Variants in AGBL1 observed in about 807,000 individuals in gnomAD.
AGBL1 encodes the protein cytosolic carboxypeptidase 4.
AGBL1 carries 130 observed loss-of-function variants against 118.9 expected under a neutral mutation model. The observed-to-expected ratio is 1.09, with a 90% confidence interval of 0.95 to 1.26. The LOEUF is 1.26. Ranked by LOEUF, AGBL1 falls within the 50% of genes most tolerant of loss-of-function variation. The pLI is 0.00. For synonymous variants in AGBL1, 555 were observed against 478.9 expected (o/e 1.16, Z -2.08); for missense variants, 1,584 against 1,298.1 (o/e 1.22, Z -3.38).
rs201514401 is a variant in AGBL1 at position 86,110,079 on chromosome 15, G to A, written c.51+30056G>A. On this transcript the variant is annotated intron_variant, in intron 1 of 22. Coordinates refer to ENST00000614907, the MANE Select transcript of AGBL1 (RefSeq NM_001386094.1). The stretch of plus-strand genomic sequence containing the variant: ...TATGTAAACACATGACTGGGACCCC[G>A]TCAGGTATTGAAAGAATCCCATGCA... Among the ~76,000 whole-genome samples, 14 of 152,212 alleles carry A rather than the reference G, an allele frequency of 9.2e-5. No homozygotes were observed. In the East Asian group the frequency reaches 1.2e-3, roughly 13 times the overall value.
downstream of AGBL1, among the ~76,000 whole-genome samples, chr15:86,918,961 G>A (rs577299944): frequency 3.4e-4 from 52 of 152,244 alleles, 1 homozygote; most frequent in African/African-American, 1.0e-3. Context: ...ATGTCCGTGC[G>A]TGTTCTGAAC....
intron 22 of AGBL1, among the ~76,000 whole-genome samples, chr15:86,860,991 C>T (rs560669498): frequency 6.6e-6 from 1 of 152,190 alleles, no homozygotes; most frequent in Admixed American, 6.5e-5. Flanking sequence ...CAGTCTTGCA[C>T]CTGCCCTAGA....
chr15:86,112,592 C>T (rs562495010), intron 1 of AGBL1, among the ~76,000 whole-genome samples: 1 of 152,262 alleles, frequency 6.6e-6, no homozygotes, highest in Non-Finnish European at 1.5e-5. Context: ...TGTCTCCATC[C>T]CTTGGGAATA....
chr15:86,617,573 A>G (rs1182373869), intron 21 of AGBL1, among the ~76,000 whole-genome samples: 1 of 152,256 alleles, frequency 6.6e-6, no homozygotes, highest in East Asian at 1.9e-4. Context: ...TTTTCGTTCA[A>G]TTGGTAAGAA....
At chr15:86,452,587 C>T (rs2082208414) in intron 18 of AGBL1, among the ~76,000 whole-genome samples, 1 of 152,190 alleles carries the variant, frequency 6.6e-6, no homozygotes, top group Non-Finnish European at 1.5e-5. Flanking sequence ...ATCCTATTTA[C>T]ACCCTGTCAC....
chr15:86,960,604 C>T (rs529317246), intron 23 of AGBL1, among the ~76,000 whole-genome samples: 22 of 152,072 alleles, frequency 1.4e-4, no homozygotes, highest in Admixed American at 2.6e-4. Flanking sequence ...ATCCAGAAAT[C>T]CTAATACTGG....
intron 19 of AGBL1, among the ~76,000 whole-genome samples, chr15:86,535,920 T>G (rs1385983606): frequency 6.6e-6 from 1 of 152,234 alleles, no homozygotes; most frequent in African/African-American, 2.4e-5. Flanking sequence ...TTGCTTATTT[T>G]CATAACTCGT....
At chr15:86,716,461 G>A (rs570239147) in intron 22 of AGBL1, among the ~76,000 whole-genome samples, 1 of 152,278 alleles carries the variant, frequency 6.6e-6, no homozygotes, top group South Asian at 2.1e-4. Flanking sequence ...AGTTTGATCT[G>A]TAGCTGAGCT....
intron 17 of AGBL1, among the ~76,000 whole-genome samples, chr15:86,395,497 T>C (rs994401092): frequency 6.6e-6 from 1 of 152,110 alleles, no homozygotes; most frequent in Non-Finnish European, 1.5e-5. Flanking sequence ...TCTTTCATAT[T>C]TGTCACTACT....
intron 17 of AGBL1, among the ~76,000 whole-genome samples, chr15:86,303,583 C>G (rs2079789478): frequency 6.6e-6 from 1 of 151,948 alleles, no homozygotes; most frequent in Non-Finnish European, 1.5e-5. Flanking sequence ...TATTTAAGAA[C>G]TAAGGCTAAA....
chr15:87,018,903 T>C (rs2081634179), intron 24 of AGBL1, among the ~76,000 whole-genome samples: 1 of 151,938 alleles, frequency 6.6e-6, no homozygotes, highest in Non-Finnish European at 1.5e-5. Context: ...AAGAAACACA[T>C]AGTCTCAAAA....
intron 21 of AGBL1, among the ~76,000 whole-genome samples, chr15:86,592,698 C>G (rs1023043422): frequency 6.6e-6 from 1 of 152,232 alleles, no homozygotes; most frequent in African/African-American, 2.4e-5. Context: ...AGTAGACATG[C>G]TTGAGCCCAC....
intron 17 of AGBL1, among the ~76,000 whole-genome samples, chr15:86,298,489 G>A (rs972369256): frequency 6.6e-6 from 1 of 151,210 alleles, no homozygotes; most frequent in African/African-American, 2.4e-5. Context: ...AAATAACCAT[G>A]CCTGTAAATC....
chr15:86,167,524 G>A (rs1044847183), intron 5 of AGBL1, among the ~76,000 whole-genome samples: 73 of 152,188 alleles, frequency 4.8e-4, no homozygotes, highest in African/African-American at 1.7e-3. Flanking sequence ...GGGATTATAG[G>A]CGTGAACCGC....
In AGBL1 at chr15:86,572,216, G is replaced by A. The variant is rs542827979; in HGVS notation, c.2994+17679G>A. Among the ~76,000 whole-genome samples, 390 of 151,636 alleles carry A rather than the reference G, an allele frequency of 2.6e-3. 3 individuals carry two copies. The highest frequency in any genetic ancestry group is 8.3e-3 in the African/African-American group (342 of 41,406). On this transcript the variant is annotated intron_variant, in intron 21 of 22. Transcript: ENST00000614907. ...GCCGGCTCCCTTCCTGGGCCCCCAA[G>A]AACAGAGATGCCCGGGTCCTGAGCC...
chr15:86,961,431 G>A (rs981398974), intron 23 of AGBL1, among the ~76,000 whole-genome samples: 1 of 151,884 alleles, frequency 6.6e-6, no homozygotes, highest in African/African-American at 2.4e-5. Context: ...AACTTCTACC[G>A]ACTTCAGTGG....
At chr15:86,742,266 G>C (rs555449344) in intron 22 of AGBL1, among the ~76,000 whole-genome samples, 1 of 152,248 alleles carries the variant, frequency 6.6e-6, no homozygotes, top group South Asian at 2.1e-4. Context: ...AATGGAATCA[G>C]ACGGCATGGC....
intron 10 of AGBL1, among the ~76,000 whole-genome samples, chr15:86,263,577 C>T (rs1380617901): frequency 6.6e-6 from 1 of 152,184 alleles, no homozygotes; most frequent in Non-Finnish European, 1.5e-5. Flanking sequence ...GTTCTCATGC[C>T]AAAGTGGGAC....
At chr15:86,636,048 T>A (rs1484509098) in intron 21 of AGBL1, among the ~76,000 whole-genome samples, 1 of 152,084 alleles carries the variant, frequency 6.6e-6, no homozygotes, top group Non-Finnish European at 1.5e-5. Context: ...ACTAAATAGA[T>A]CCCTAAATCA....
Sources: gnomAD v4.1 joint callset for allele counts (sites outside exome capture counted in the v4.1 genomes callset) on GRCh38, gnomAD v4.1.1 for gene constraint, MANE v1.5 for transcripts, NCBI Gene and HGNC (gene_info 2026-07-23, HGNC 2026-07-21) for gene names.